SDCCAG8: variants seen among roughly 807,000 people sequenced by gnomAD.
SDCCAG8 encodes the protein serologically defined colon cancer antigen 8.
Under a neutral mutation model 101.8 loss-of-function variants are expected in SDCCAG8, and 74 were observed. That is an observed-to-expected ratio of 0.73 (90% CI 0.60 to 0.88). SDCCAG8 has a LOEUF of 0.88. Ranked by LOEUF, SDCCAG8 falls within the 40% of genes least tolerant of loss-of-function variation. The probability of loss-of-function intolerance (pLI) is 0.00; values close to 1 mark genes in which losing one functional copy is unlikely to be tolerated. For missense variants in SDCCAG8, 787 were observed against 822.6 expected (o/e 0.96, Z 0.53); for synonymous variants, 281 against 292.9 (o/e 0.96, Z 0.41).
chr1:243,450,878 T>C (rs2997490), intron 16 of SDCCAG8, among the ~76,000 whole-genome samples: 52,913 of 152,078 alleles, frequency 0.35, 11,123 homozygotes, highest in African/African-American at 0.59. Flanking sequence ...AGGCTGGTCT[T>C]GAACTCCTGA....
intron 8 of SDCCAG8, among the ~76,000 whole-genome samples, chr1:243,312,995 G>T (rs538475506): frequency 6.6e-6 from 1 of 152,270 alleles, no homozygotes; most frequent in Non-Finnish European, 1.5e-5. Context: ...ACCTTCACAT[G>T]GTAACCAAGA....
At chr1:243,498,895 C>T (rs931498526) in intron 17 of SDCCAG8, among the ~76,000 whole-genome samples, 2 of 152,238 alleles carry the variant, frequency 1.3e-5, no homozygotes, top group East Asian at 1.9e-4. Flanking sequence ...ATTTATCTGA[C>T]GTAGAAACCG....
chr1:243,480,170 C>T (rs145051574), intron 16 of SDCCAG8, among the ~76,000 whole-genome samples: 8 of 150,382 alleles, frequency 5.3e-5, no homozygotes, highest in East Asian at 2.0e-4. Flanking sequence ...CTAGCTGTTG[C>T]GGGGAGTATG....
chr1:243,278,718 G>A (rs186805792), intron 4 of SDCCAG8, among the ~76,000 whole-genome samples: 10 of 152,180 alleles, frequency 6.6e-5, no homozygotes, highest in East Asian at 5.8e-4. Flanking sequence ...GTCTGCAAAC[G>A]AAAGACAGTG....
In SDCCAG8 at chr1:243,474,892, C is replaced by T. The variant is rs890835264; in HGVS notation, c.1986-14122C>T. Among the ~76,000 whole-genome samples, 5 of 152,176 alleles carry T rather than the reference C, an allele frequency of 3.3e-5. No individual in the cohort carries two copies. The highest frequency in any genetic ancestry group is 9.7e-5 in the African/African-American group (4 of 41,444). On this transcript the variant is annotated intron_variant, in intron 16 of 17. Transcript: ENST00000366541. The surrounding 1 kb of genome is among the most constrained non-coding windows in gnomAD (Gnocchi z 4.7). ...GCATTTTATTGGCAGCATTTAGAAT[C>T]GGGGAAAAATCTACCTTCTGTTTAG...
intron 12 of SDCCAG8, among the ~76,000 whole-genome samples, chr1:243,346,794 G>A (rs2075737231): frequency 6.6e-6 from 1 of 152,132 alleles, no homozygotes; most frequent in Non-Finnish European, 1.5e-5. Flanking sequence ...AGAAAAAGAG[G>A]CATTTGGTAT....
intron 4 of SDCCAG8, among the ~76,000 whole-genome samples, chr1:243,280,714 A>G (rs2068957668): frequency 6.6e-6 from 1 of 152,092 alleles, no homozygotes; most frequent in Admixed American, 6.5e-5. Flanking sequence ...GTCATCATCA[A>G]GTATTTGGGG....
chr1:243,424,751 A>G (rs1213546762), intron 15 of SDCCAG8, among the ~76,000 whole-genome samples: 2 of 152,072 alleles, frequency 1.3e-5, no homozygotes, highest in Non-Finnish European at 2.9e-5. Flanking sequence ...ACACAAACCT[A>G]TGATATATTT....
intron 13 of SDCCAG8, among the ~76,000 whole-genome samples, chr1:243,392,138 A>C (rs908339268): frequency 6.6e-6 from 1 of 152,244 alleles, no homozygotes; most frequent in Non-Finnish European, 1.5e-5. Flanking sequence ...ATTTTAACTC[A>C]TTCAGCGTTT....
In SDCCAG8 at chr1:243,355,020, A is replaced by C. The variant is rs374754625; in HGVS notation, c.1473+10689A>C. 1.2e-4 allele frequency among the ~76,000 whole-genome samples: 18 copies of C among 152,300 alleles called. No homozygotes were observed. In the East Asian group the frequency reaches 2.9e-3, roughly 24 times the overall value. On this transcript the variant is annotated intron_variant, in intron 12 of 17. Transcript: ENST00000366541. ...GTGTGAGACAGATCACCCTACACAGAGATTCCTGATCTAACTCTAGGCTGC... is the reference window on the plus strand; with the variant it reads ...GTGTGAGACAGATCACCCTACACAGCGATTCCTGATCTAACTCTAGGCTGC...
intron 3 of SDCCAG8, among the ~76,000 whole-genome samples, chr1:243,272,633 A>T (rs763004137): frequency 1.3e-5 from 2 of 152,328 alleles, no homozygotes; most frequent in East Asian, 3.9e-4. Context: ...GAATCCAGAC[A>T]GGCAGGAAGA....
chr1:243,450,005 G>T (rs144103234), intron 16 of SDCCAG8, among the ~76,000 whole-genome samples: 49 of 152,312 alleles, frequency 3.2e-4, no homozygotes, highest in Admixed American at 7.2e-4. Context: ...TTGAGGTTGG[G>T]TAGGGGCAGG....
At chr1:243,334,919 C>T (rs758304372) in intron 10 of SDCCAG8, among the ~76,000 whole-genome samples, 4 of 152,260 alleles carry the variant, frequency 2.6e-5, no homozygotes, top group East Asian at 3.9e-4. Flanking sequence ...CTCGTCTCCG[C>T]GCCTCCCATA....
chr1:243,261,786 GT>G (rs1424766611), intron 1 of SDCCAG8, among the ~76,000 whole-genome samples: 7 of 151,306 alleles, frequency 4.6e-5, no homozygotes, highest in African/African-American at 1.5e-4. Context: ...AACATGAGGG[GT>G]TTTTTGCTGA....
chr1:243,457,250 C>T (rs2148146095), intron 16 of SDCCAG8, among the ~76,000 whole-genome samples: 1 of 152,018 alleles, frequency 6.6e-6, no homozygotes, highest in Admixed American at 6.5e-5. Context: ...GATCCTGAAG[C>T]CATAAAAGAA....
chr1:243,308,182 G>T lies in SDCCAG8; in HGVS notation c.929+5G>T, dbSNP rs1573161413. On this transcript the variant is annotated splice_donor_5th_base_variant and intron_variant, in intron 8 of 17. Transcript: ENST00000366541. ...GACCATCGAAAGACTGGTTAAGTAA[G>T]TATGCTTCTACGCGCACGGAGACTT... 1 of 1,614,090 alleles carries T rather than the reference G, an allele frequency of 6.2e-7. No homozygotes were observed. Among genetic ancestry groups the T allele is most frequent in the Non-Finnish European group, 8.5e-7 (1 of 1,179,994 alleles).
rs182879358 is a variant in SDCCAG8 at position 243,447,110 on chromosome 1, G to A, written c.1985+20552G>A. On this transcript the variant is annotated intron_variant, in intron 16 of 17. Coordinates refer to ENST00000366541, the MANE Select transcript of SDCCAG8 (RefSeq NM_006642.5). ...CTACTAAAAATACAAAAATTAGCCAGGCACAGTGGCCGTGTCTGTAATCCC... is the reference window on the plus strand; with the variant it reads ...CTACTAAAAATACAAAAATTAGCCAAGCACAGTGGCCGTGTCTGTAATCCC... Among the ~76,000 whole-genome samples the A allele has an allele frequency of 2.8e-3, 431 of 151,956 alleles. 2 individuals carry two copies. Among genetic ancestry groups the A allele is most frequent in the Non-Finnish European group, 4.7e-3 (319 of 67,962 alleles).
intron 1 of SDCCAG8, among the ~76,000 whole-genome samples, chr1:243,259,390 G>A (rs956605702): frequency 1.3e-5 from 2 of 151,538 alleles, no homozygotes; most frequent in Non-Finnish European, 2.9e-5. Flanking sequence ...CTGGGCGACA[G>A]AGCGAGACTC....
chr1:243,485,476 G>A (rs1476153662), intron 16 of SDCCAG8, among the ~76,000 whole-genome samples: 1 of 152,148 alleles, frequency 6.6e-6, no homozygotes, highest in Non-Finnish European at 1.5e-5. Flanking sequence ...AACCACCATG[G>A]AAAAGAAAAG....
Sources: allele counts gnomAD v4.1 joint callset (sites outside exome capture counted in the v4.1 genomes callset), GRCh38; gene constraint gnomAD v4.1.1; non-coding constraint Gnocchi (gnomAD v3.1); transcripts MANE v1.5; gene names NCBI Gene and HGNC (gene_info 2026-07-23, HGNC 2026-07-21).